TGFBR3: variants seen among roughly 807,000 people sequenced by gnomAD.
The protein encoded by TGFBR3 is transforming growth factor beta receptor 3, also known as transforming growth factor beta receptor type 3.
TGFBR3 carries 46 observed loss-of-function variants against 87.9 expected under a neutral mutation model. The ratio of observed to expected loss-of-function variants is 0.52; its 90% CI spans 0.41 to 0.67. The LOEUF is 0.67. TGFBR3 is among the 30% of genes least tolerant of loss of function. The probability of loss-of-function intolerance (pLI) is 0.00; values close to 1 mark genes in which losing one functional copy is unlikely to be tolerated. For synonymous variants in TGFBR3, 381 were observed against 391.6 expected, an observed-to-expected ratio of 0.97 and a Z score of 0.32; for missense variants, 866 against 1,041.9, an observed-to-expected ratio of 0.83 and a Z score of 2.32.
intron 2 of TGFBR3, among the ~76,000 whole-genome samples, chr1:91,801,363 G>A (rs575476277): frequency 6.6e-6 from 1 of 152,236 alleles, no homozygotes; most frequent in South Asian, 2.1e-4. Context: ...GAGAGATGAT[G>A]GTGCCCGTGG....
chr1:91,842,929 C>G (rs1202904905), intron 2 of TGFBR3, among the ~76,000 whole-genome samples: 1 of 152,160 alleles, frequency 6.6e-6, no homozygotes, highest in Non-Finnish European at 1.5e-5. Flanking sequence ...GAGAGCACTT[C>G]TTATCCACAC....
At chr1:91,904,411 CTT>C (rs370905311) in intron 1 of TGFBR3, among the ~76,000 whole-genome samples, 177 of 133,768 alleles carry the variant, frequency 1.3e-3, no homozygotes, top group Middle Eastern at 3.8e-3. Flanking sequence ...ACCTAAAATT[CTT>C]TTTTTTTTTT....
chr1:91,884,577 G>A (rs1679221376), intron 1 of TGFBR3, among the ~76,000 whole-genome samples: 1 of 152,188 alleles, frequency 6.6e-6, no homozygotes, highest in African/African-American at 2.4e-5. Context: ...GCCGCTCTCC[G>A]CTGAGGAAGG....
intron 4 of TGFBR3, among the ~76,000 whole-genome samples, chr1:91,740,023 C>G (rs1160369798): frequency 6.6e-6 from 1 of 152,172 alleles, no homozygotes; most frequent in Admixed American, 6.5e-5. Flanking sequence ...TACTACCAGG[C>G]CCCACTTCCA....
chr1:91,803,677 C>T (rs147904301), intron 2 of TGFBR3, among the ~76,000 whole-genome samples: 2 of 152,100 alleles, frequency 1.3e-5, no homozygotes, highest in South Asian at 2.1e-4. Flanking sequence ...GAAGTGCCAA[C>T]CTTTGTCCCA....
intron 4 of TGFBR3, among the ~76,000 whole-genome samples, chr1:91,743,955 G>A (rs1571464669): frequency 6.6e-6 from 1 of 152,210 alleles, no homozygotes; most frequent in East Asian, 1.9e-4. Flanking sequence ...TTATATAAAT[G>A]TAAAATGCAT....
chr1:91,894,915 T>C (rs6604063), intron 2 of TGFBR3, among the ~76,000 whole-genome samples: 137,258 of 152,176 alleles, frequency 0.9, 62,781 homozygotes, highest in Non-Finnish European at 0.99. Context: ...GGACTACAGG[T>C]ATGTACCACC....
intron 2 of TGFBR3, among the ~76,000 whole-genome samples, chr1:91,845,184 G>A (rs926242371): frequency 3.3e-5 from 5 of 152,108 alleles, no homozygotes; most frequent in Non-Finnish European, 7.4e-5. Context: ...GAAATGTTTC[G>A]GCACAGTCCT....
chr1:91,776,201 G>T (rs979684553), intron 3 of TGFBR3, among the ~76,000 whole-genome samples: 3 of 152,210 alleles, frequency 2.0e-5, no homozygotes, highest in African/African-American at 7.2e-5. Context: ...AAGAGCTTGA[G>T]ATCATCTAAA....
intron 2 of TGFBR3, among the ~76,000 whole-genome samples, chr1:91,893,292 A>T (rs947248084): frequency 2.7e-5 from 4 of 149,304 alleles, no homozygotes; most frequent in Non-Finnish European, 4.5e-5. Flanking sequence ...ACTTGTAACT[A>T]TTTTTTTTTT....
intron 2 of TGFBR3, among the ~76,000 whole-genome samples, chr1:91,852,870 AAAGGCCAGGCATG>A (rs1419551057): frequency 1.2e-4 from 18 of 152,162 alleles, no homozygotes; most frequent in African/African-American, 4.3e-4. Flanking sequence ...ATAACCAGCT[AAAGGCCAGGCATG>A]ATGGCTCACA....
intron 1 of TGFBR3, among the ~76,000 whole-genome samples, chr1:91,884,693 T>C (rs1679226020): frequency 6.6e-6 from 1 of 152,238 alleles, no homozygotes; most frequent in Non-Finnish European, 1.5e-5. Flanking sequence ...ATAGTGCTTT[T>C]CCCATAGAGA....
chr1:91,697,784 C>T (rs1011428116), intron 15 of TGFBR3, among the ~76,000 whole-genome samples: 4 of 152,170 alleles, frequency 2.6e-5, no homozygotes, highest in African/African-American at 9.7e-5. Flanking sequence ...CAGACATAAG[C>T]ATGCAAGTCA....
chr1:91,824,217 A>G (rs1676552599), intron 2 of TGFBR3, among the ~76,000 whole-genome samples: 2 of 152,248 alleles, frequency 1.3e-5, no homozygotes, highest in Admixed American at 6.5e-5. Context: ...AGAAAAAAAG[A>G]GTATGTAGTA....
chr1:91,753,425 C>T (rs556410362), intron 4 of TGFBR3, among the ~76,000 whole-genome samples: 4 of 144,252 alleles, frequency 2.8e-5, no homozygotes, highest in Non-Finnish European at 6.0e-5. Flanking sequence ...AAAAGTGCTG[C>T]AGCAAGTTTT....
At chr1:91,737,651 C>T (rs1235776828) in intron 4 of TGFBR3, among the ~76,000 whole-genome samples, 5 of 152,168 alleles carry the variant, frequency 3.3e-5, no homozygotes, top group Non-Finnish European at 7.3e-5. Flanking sequence ...AGAATTCCTT[C>T]GTCTTTCTTC....
intron 1 of TGFBR3, among the ~76,000 whole-genome samples, chr1:91,872,987 A>G (rs1450680879): frequency 6.6e-6 from 1 of 151,762 alleles, no homozygotes; most frequent in Non-Finnish European, 1.5e-5. Context: ...AGGGGGGGAT[A>G]GGGTTTCACT....
intron 16 of TGFBR3, among the ~76,000 whole-genome samples, chr1:91,689,289 TTGC>T (rs1481934687): frequency 6.6e-6 from 1 of 152,230 alleles, no homozygotes; most frequent in African/African-American, 2.4e-5. Flanking sequence ...CATCAGGTCA[TTGC>T]TTTCCTAAAG....
At chr1:91,885,627 C>A (rs1679268501) in intron 1 of TGFBR3, among the ~76,000 whole-genome samples, 1 of 152,184 alleles carries the variant, frequency 6.6e-6, no homozygotes. Context: ...CAGCACTGCG[C>A]ATCGCCGGGG....
Sources: gnomAD v4.1 joint callset for allele counts (sites outside exome capture counted in the v4.1 genomes callset) on GRCh38, gnomAD v4.1.1 for gene constraint, MANE v1.5 for transcripts, NCBI Gene and HGNC (gene_info 2026-07-23, HGNC 2026-07-21) for gene names.